RAB31: variants seen among roughly 807,000 people sequenced by gnomAD.
RAB31 encodes the protein ras-related protein Rab-31.
Under a neutral mutation model 25.6 loss-of-function variants are expected in RAB31, and 21 were observed. The ratio of observed to expected loss-of-function variants is 0.82; its 90% CI spans 0.58 to 1.18. RAB31 has a LOEUF of 1.18. RAB31 is among the 50% of genes most tolerant of loss of function. The pLI is 0.00. For synonymous variants in RAB31, 87 were observed against 84.0 expected (o/e 1.04, Z -0.20); for missense variants, 196 against 250.1 (o/e 0.78, Z 1.46).
chr18:9,752,524 C>A (rs1599024522), intron 1 of RAB31, among the ~76,000 whole-genome samples: 1 of 152,290 alleles, frequency 6.6e-6, no homozygotes, highest in Middle Eastern at 3.4e-3. Context: ...CGTGCCCGGC[C>A]CAGCTCGGCC....
At chr18:9,811,255 G>T (rs188090686) in intron 3 of RAB31, among the ~76,000 whole-genome samples, 4 of 152,256 alleles carry the variant, frequency 2.6e-5, no homozygotes, top group Middle Eastern at 3.4e-3. Context: ...TCTGAAACCC[G>T]CAGAGGCTCC....
At chr18:9,857,803 G>A (rs556269361) in intron 6 of RAB31, among the ~76,000 whole-genome samples, 87 of 151,790 alleles carry the variant, frequency 5.7e-4, no homozygotes, top group Non-Finnish European at 1.2e-3. Context: ...CAAGGTGAGA[G>A]GATCACTTGA....
At chr18:9,761,315 C>G (rs1317095061) in intron 1 of RAB31, among the ~76,000 whole-genome samples, 1 of 152,142 alleles carries the variant, frequency 6.6e-6, no homozygotes. Context: ...TACCTTAAAC[C>G]TTAATGTCCT....
intron 1 of RAB31, among the ~76,000 whole-genome samples, chr18:9,761,210 G>C (rs371914253): frequency 6.6e-6 from 1 of 152,128 alleles, no homozygotes; most frequent in East Asian, 1.9e-4. Flanking sequence ...GTAGACTCCT[G>C]TAGGAATATT....
intron 6 of RAB31, among the ~76,000 whole-genome samples, chr18:9,858,660 C>T (rs2068831226): frequency 6.6e-6 from 1 of 152,100 alleles, no homozygotes; most frequent in Admixed American, 6.6e-5. Flanking sequence ...ATACTGTTTC[C>T]TATGAAAAGT....
At chr18:9,727,040 A>G (rs1190929901) in intron 1 of RAB31, among the ~76,000 whole-genome samples, 1 of 152,178 alleles carries the variant, frequency 6.6e-6, no homozygotes, top group Admixed American at 6.5e-5. Context: ...TTATACTAAG[A>G]TGGCATTAAT....
intron 2 of RAB31, among the ~76,000 whole-genome samples, chr18:9,791,097 A>G (rs1232279355): frequency 6.6e-6 from 1 of 152,238 alleles, no homozygotes; most frequent in Non-Finnish European, 1.5e-5. Context: ...GAGAAAACAT[A>G]AGTATGTGTT....
intron 5 of RAB31, among the ~76,000 whole-genome samples, chr18:9,838,711 G>A (rs954638280): frequency 2.6e-5 from 4 of 152,160 alleles, no homozygotes; most frequent in African/African-American, 9.7e-5. Context: ...CCCCTCCCCT[G>A]CTGAGAAGCC....
At chr18:9,742,947 G>T (rs957524659) in intron 1 of RAB31, among the ~76,000 whole-genome samples, 2 of 151,984 alleles carry the variant, frequency 1.3e-5, no homozygotes, top group African/African-American at 2.4e-5. Flanking sequence ...TTTCAAAGTC[G>T]CAAATGAAAT....
chr18:9,822,158 A>G (rs893126960), intron 5 of RAB31, among the ~76,000 whole-genome samples: 3 of 152,204 alleles, frequency 2.0e-5, no homozygotes, highest in African/African-American at 7.2e-5. Context: ...ATAAATCTAC[A>G]CAAATATGCT....
rs907844374 is a variant in RAB31, at chr18:9,708,342, G to A, written c.-64G>A. The A allele has an allele frequency of 2.7e-5, 36 of 1,332,826 alleles. No individual in the cohort carries two copies. Among genetic ancestry groups the A allele is most frequent in the South Asian group, 1.7e-4 (11 of 64,366 alleles). 82.6% of individuals were successfully genotyped at this position (1,332,826 alleles called of 1,614,324 possible). ...AGGGGCAGAGGCGAGAGACGCCGGC[G>A]GGGCGCGGGCGCGGCGGCCCCGGAG... On this transcript the variant is annotated 5_prime_UTR_variant, in exon 1 of 7. Coordinates refer to ENST00000578921, the MANE Select transcript of RAB31 (RefSeq NM_006868.4). This position sits in a 1 kb window ranked among gnomAD's most constrained non-coding sequence, Gnocchi z 6.4.
chr18:9,760,858 TG>T (rs2145483473), intron 1 of RAB31, among the ~76,000 whole-genome samples: 1 of 152,304 alleles, frequency 6.6e-6, no homozygotes, highest in East Asian at 1.9e-4. Flanking sequence ...GGATATCAAA[TG>T]AAGGAGAGAT....
chr18:9,848,853 A>G (rs896080267), intron 6 of RAB31, among the ~76,000 whole-genome samples: 5 of 152,248 alleles, frequency 3.3e-5, no homozygotes, highest in Admixed American at 2.0e-4. Flanking sequence ...TAAACCAGAA[A>G]TGGGACAACT....
chr18:9,780,008 CT>C (rs1169292221), intron 2 of RAB31, among the ~76,000 whole-genome samples: 1 of 151,974 alleles, frequency 6.6e-6, no homozygotes, highest in East Asian at 1.9e-4. Context: ...AACTTGGTCT[CT>C]ACAAAAAAAT....
chr18:9,859,247 G>A lies in RAB31; in HGVS notation c.510G>A (p.Leu170=). The A allele has an allele frequency of 6.2e-7, 1 of 1,613,748 alleles. No homozygotes were observed. The highest frequency in any genetic ancestry group is 8.5e-7 in the Non-Finnish European group (1 of 1,179,718). ...FQGISRQIPP[L]DPHENGNNGT... is the part of the protein sequence containing the mutation. ...TTGCAGGCCGCCAGATCCCACCCTT[G>A]GACCCCCATGAAAATGGAAACAATG... is the stretch of plus-strand genomic sequence containing the variant. Residue 170 remains leucine (L), a synonymous_variant, in exon 7 of 7, where the codon TTG becomes TTA. Transcript: ENST00000578921.
intron 2 of RAB31, among the ~76,000 whole-genome samples, chr18:9,781,286 A>G (rs1326633672): frequency 6.6e-6 from 1 of 152,152 alleles, no homozygotes; most frequent in Admixed American, 6.6e-5. Flanking sequence ...ACAATTTTAC[A>G]TGATGGCAGC....
At chr18:9,709,650 T>A (rs2068006303) in intron 1 of RAB31, among the ~76,000 whole-genome samples, 1 of 152,194 alleles carries the variant, frequency 6.6e-6, no homozygotes, top group African/African-American at 2.4e-5. Context: ...AACTCGATTG[T>A]CCGGTTGGCT....
At chr18:9,809,189 G>T (rs1284227331) in intron 3 of RAB31, among the ~76,000 whole-genome samples, 1 of 152,158 alleles carries the variant, frequency 6.6e-6, no homozygotes, top group Non-Finnish European at 1.5e-5. Context: ...CTGGAGGGTT[G>T]TCACAGAGCT....
At chr18:9,758,364 C>T (rs906505216) in intron 1 of RAB31, among the ~76,000 whole-genome samples, 1 of 152,016 alleles carries the variant, frequency 6.6e-6, no homozygotes, top group African/African-American at 2.4e-5. Flanking sequence ...TTCTTTGCCT[C>T]CTGGGGGGAA....
Sources: allele counts gnomAD v4.1 joint callset (sites outside exome capture counted in the v4.1 genomes callset), GRCh38; gene constraint gnomAD v4.1.1; non-coding constraint Gnocchi (gnomAD v3.1); transcripts MANE v1.5; gene names NCBI Gene and HGNC (gene_info 2026-07-23, HGNC 2026-07-21).